The following ZFAT variants were observed in gnomAD, a reference collection of about 807,000 sequenced individuals.
ZFAT encodes zinc finger protein ZFAT.
In ZFAT, 64 loss-of-function variants were observed where a neutral mutation model predicts 117.7. That is an observed-to-expected ratio of 0.54 (90% CI 0.44 to 0.67). The LOEUF (loss-of-function observed/expected upper bound fraction) is 0.67, where lower values mean the gene tolerates loss of function less well. ZFAT is among the 30% of genes least tolerant of loss of function. The pLI is 0.00. For synonymous variants in ZFAT, 679 were observed against 615.0 expected (o/e 1.10, Z -1.54); for missense variants, 1,433 against 1,584.5 (o/e 0.90, Z 1.62).
chr8:134,513,464 C>T (rs757649061), intron 13 of ZFAT, among the ~76,000 whole-genome samples: 5 of 152,310 alleles, frequency 3.3e-5, no homozygotes, highest in African/African-American at 9.6e-5. Context: ...TGAGCCACCA[C>T]GCTCGGCTGT....
the ZFAT span, chr8:134,795,589 G>T: frequency 6.6e-6 from 1 of 152,174 alleles, no homozygotes; most frequent in Non-Finnish European, 1.5e-5. Context: ...GTAAATAAAT[G>T]GGCCGGAAGA....
At chr8:134,492,031 G>GT (rs138666169) in intron 15 of ZFAT, among the ~76,000 whole-genome samples, 35,945 of 145,036 alleles carry the variant, frequency 0.25, 4,757 homozygotes, top group Non-Finnish European at 0.32. Flanking sequence ...TTTGTTTTTT[G>GT]TTTTTTTTTT....
At chr8:134,572,803 G>GAA (rs11347412) in intron 10 of ZFAT, among the ~76,000 whole-genome samples, 3 of 145,770 alleles carry the variant, frequency 2.1e-5, no homozygotes, top group Non-Finnish European at 3.0e-5. Context: ...CCACGGTGGG[G>GAA]AAAAAAAAAA....
intron 2 of ZFAT, among the ~76,000 whole-genome samples, chr8:134,654,290 T>C (rs1223008821): frequency 6.6e-6 from 1 of 151,538 alleles, no homozygotes; most frequent in East Asian, 1.9e-4. Flanking sequence ...AAGAGCAAAC[T>C]TGTCAAAGTC....
chr8:134,603,041 T>C, intron 5 of ZFAT, 108 bp from the exon 6 acceptor site: 2 of 1,451,100 alleles, frequency 1.4e-6, no homozygotes, highest in Non-Finnish European at 1.9e-6. Flanking sequence ...TGAACAAAAC[T>C]GGACAGACGC....
intron 2 of ZFAT, among the ~76,000 whole-genome samples, chr8:134,650,894 G>C (rs1002904737): frequency 6.6e-6 from 1 of 152,124 alleles, no homozygotes; most frequent in Non-Finnish European, 1.5e-5. Context: ...CACATCATAT[G>C]CAAAAATTAA....
chr8:134,481,093 ATC>A (rs1205332599), intron 15 of ZFAT, among the ~76,000 whole-genome samples: 1 of 152,066 alleles, frequency 6.6e-6, no homozygotes, highest in Non-Finnish European at 1.5e-5. Context: ...GTGAACTGAG[ATC>A]TGTTTTTTCA....
chr8:134,729,294 G>T, the ZFAT span, among the ~76,000 whole-genome samples: 1 of 152,132 alleles, frequency 6.6e-6, no homozygotes, highest in Non-Finnish European at 1.5e-5. Flanking sequence ...CTGGATTTGG[G>T]CTGCCCCTGG....
At chr8:134,791,583 G>A in the ZFAT span, among the ~76,000 whole-genome samples, 485 of 152,190 alleles carry the variant, frequency 3.2e-3, no homozygotes, top group African/African-American at 0.011. Flanking sequence ...TAGAGTTATG[G>A]GATTGTGGTG....
intron 4 of ZFAT, among the ~76,000 whole-genome samples, chr8:134,609,831 G>GT (rs1828183325): frequency 6.6e-6 from 1 of 152,068 alleles, no homozygotes; most frequent in Admixed American, 6.6e-5. Context: ...GAAATTTCTA[G>GT]TATTATATTT....
chr8:134,521,416 T>C (rs1820646468), intron 12 of ZFAT, among the ~76,000 whole-genome samples: 1 of 152,140 alleles, frequency 6.6e-6, no homozygotes, highest in Admixed American at 6.5e-5. Flanking sequence ...ATCTCCTTTG[T>C]CCCAAAACAC....
chr8:134,523,264 G>A (rs1274383544), intron 12 of ZFAT, among the ~76,000 whole-genome samples: 5 of 152,228 alleles, frequency 3.3e-5, no homozygotes, highest in South Asian at 4.1e-4. Context: ...GTCCCGTGTC[G>A]CCTAGGCTCG....
chr8:134,771,208 T>C, the ZFAT span, among the ~76,000 whole-genome samples: 1 of 152,222 alleles, frequency 6.6e-6, no homozygotes, highest in Non-Finnish European at 1.5e-5. Context: ...ACATGTGATG[T>C]CTCCCCCGGA....
chr8:134,493,088 A>G (rs1818168065), intron 15 of ZFAT, among the ~76,000 whole-genome samples: 3 of 152,110 alleles, frequency 2.0e-5, no homozygotes, highest in Non-Finnish European at 4.4e-5. Flanking sequence ...CAGCAGACAT[A>G]TTTTCTTTCC....
intron 3 of ZFAT, among the ~76,000 whole-genome samples, chr8:134,636,833 C>G (rs1213268438): frequency 6.6e-6 from 1 of 152,222 alleles, no homozygotes; most frequent in Non-Finnish European, 1.5e-5. Flanking sequence ...CTTTCAGCCT[C>G]TTTTAGAAGC....
the ZFAT span, among the ~76,000 whole-genome samples, chr8:134,741,240 G>T: frequency 5.2e-3 from 785 of 151,370 alleles, 3 homozygotes; most frequent in African/African-American, 0.018. Flanking sequence ...GTTCTTGAAA[G>T]AATGATCTTT....
chr8:134,544,214 C>T (rs1822510916), intron 11 of ZFAT, among the ~76,000 whole-genome samples: 1 of 152,198 alleles, frequency 6.6e-6, no homozygotes, highest in Non-Finnish European at 1.5e-5. Flanking sequence ...CAGGTCCGCC[C>T]TCCACAGGCT....
intron 11 of ZFAT, among the ~76,000 whole-genome samples, chr8:134,545,994 T>C (rs751020998): frequency 6.6e-5 from 10 of 152,242 alleles, no homozygotes; most frequent in Non-Finnish European, 1.3e-4. Flanking sequence ...ATGACGACTA[T>C]AGAGAACTTA....
At chr8:134,534,240 T>C (rs905011543) in intron 11 of ZFAT, among the ~76,000 whole-genome samples, 8 of 152,240 alleles carry the variant, frequency 5.3e-5, no homozygotes, top group South Asian at 2.1e-4. Flanking sequence ...TAAAATGCCA[T>C]GCAAAGTGTT....
Sources: gnomAD v4.1 joint callset for allele counts (sites outside exome capture counted in the v4.1 genomes callset) on GRCh38, gnomAD v4.1.1 for gene constraint, MANE v1.5 for transcripts, NCBI Gene and HGNC (gene_info 2026-07-23, HGNC 2026-07-21) for gene names.